The following LCORL variants were observed in gnomAD, a reference collection of about 807,000 sequenced individuals.
The protein encoded by LCORL is ligand dependent nuclear receptor corepressor like.
Under a neutral mutation model 141.8 loss-of-function variants are expected in LCORL, and 41 were observed. That is an observed-to-expected ratio of 0.29 (90% CI 0.23 to 0.38). The LOEUF is 0.38. LCORL is among the 10% of genes least tolerant of loss of function. LCORL has a pLI of 1.00. For missense variants in LCORL, 1,759 were observed against 2,035.0 expected (o/e 0.86, Z 2.61); for synonymous variants, 618 against 694.1 (o/e 0.89, Z 1.72).
intron 4 of LCORL, among the ~76,000 whole-genome samples, chr4:17,926,822 T>C (rs928484049): frequency 1.3e-5 from 2 of 152,242 alleles, no homozygotes; most frequent in Non-Finnish European, 2.9e-5. Flanking sequence ...GTTCTACAAA[T>C]AGAGCACAGG....
chr4:17,941,159 G>A (rs1318097739), intron 4 of LCORL, among the ~76,000 whole-genome samples: 2 of 152,128 alleles, frequency 1.3e-5, no homozygotes, highest in Non-Finnish European at 2.9e-5. Flanking sequence ...GGCAGATCAC[G>A]AGGTCAGGAG....
At chr4:17,898,893 G>A (rs1473809706) in intron 5 of LCORL, among the ~76,000 whole-genome samples, 1 of 152,106 alleles carries the variant, frequency 6.6e-6, no homozygotes, top group Non-Finnish European at 1.5e-5. Context: ...GTAAGATACT[G>A]TCAATGCCTC....
intron 4 of LCORL, among the ~76,000 whole-genome samples, chr4:17,924,311 C>G (rs577032062): frequency 6.6e-6 from 1 of 152,170 alleles, no homozygotes; most frequent in Non-Finnish European, 1.5e-5. Context: ...CCCATGTCAT[C>G]GCCCAATGGG....
chr4:17,874,275 T>C (rs1726686853), exon 7 of LCORL: 1 of 1,233,850 alleles, frequency 8.1e-7, no homozygotes, highest in East Asian at 3.2e-5. Flanking sequence ...ATGCAGTATA[T>C]GCAATTTCTC....
chr4:17,885,417 G>C (rs1728135079), intron 6 of LCORL, among the ~76,000 whole-genome samples: 1 of 151,852 alleles, frequency 6.6e-6, no homozygotes, highest in Non-Finnish European at 1.5e-5. Context: ...TACAGCCGTA[G>C]TTGAAACAAA....
chr4:17,961,757 C>G, intron 4 of LCORL, 146 bp downstream of exon 4: 1 of 561,542 alleles, frequency 1.8e-6, no homozygotes, highest in Non-Finnish European at 3.0e-6. Context: ...TCCTACTGTC[C>G]CTAAAAATAT....
rs1344840852 is a variant in LCORL at position 17,893,436 on chromosome 4, TA to T, written c.683-7276del. 3 of 984,796 alleles carry T rather than the reference TA, an allele frequency of 3.0e-6. No individual in the cohort carries two copies. The Admixed American group carries it at 1.8e-4, about 61-fold the overall frequency. 61.0% of individuals were successfully genotyped at this position (984,796 alleles called of 1,614,324 possible). On this transcript the variant is annotated intron_variant, in intron 5 of 7. Coordinates refer to ENST00000635767, the Ensembl canonical transcript of LCORL. ...CTTAGTAACATAAGGATGTCAAAAA[TA>T]TAAATTATGCAAACAGTTTACAGAG...
At chr4:17,988,537 G>T (rs1719418909) in intron 1 of LCORL, among the ~76,000 whole-genome samples, 2 of 151,986 alleles carry the variant, frequency 1.3e-5, no homozygotes, top group African/African-American at 2.4e-5. Context: ...CTACTCCTAA[G>T]CTAATACCAC....
At chr4:17,933,869 A>T (rs953725508) in intron 4 of LCORL, among the ~76,000 whole-genome samples, 1 of 152,026 alleles carries the variant, frequency 6.6e-6, no homozygotes, top group Admixed American at 6.6e-5. Context: ...TGGAATGAAG[A>T]GTTGATATGT....
At chr4:17,970,718 C>G (rs1036201730) in intron 2 of LCORL, among the ~76,000 whole-genome samples, 4 of 152,116 alleles carry the variant, frequency 2.6e-5, no homozygotes, top group African/African-American at 7.2e-5. Context: ...AAAGCTGTTG[C>G]AATACATTTA....
At position 18,013,817 on chromosome 4, in the gene LCORL, AT is replaced by A. The variant is rs35615219; in HGVS notation, c.154+7780del. Among the ~76,000 whole-genome samples, 90 of 147,808 alleles carry A rather than the reference AT, an allele frequency of 6.1e-4. No homozygotes were observed. In the East Asian group the frequency reaches 8.1e-3, roughly 13 times the overall value. ...AGAAAAGCCTCTAGGTTGCAGTTGA[AT>A]TTTTTTTTTTTTCGGAGTCTTGGTC... is the stretch of plus-strand genomic sequence containing the variant. On this transcript the variant is annotated intron_variant, in intron 1 of 7. Coordinates refer to ENST00000635767, the Ensembl canonical transcript of LCORL.
chr4:17,944,704 G>GAT (rs1738560558), intron 4 of LCORL, among the ~76,000 whole-genome samples: 1 of 152,056 alleles, frequency 6.6e-6, no homozygotes, highest in Admixed American at 6.6e-5. Flanking sequence ...TTTTATGAAG[G>GAT]ATATATATAA....
intron 4 of LCORL, among the ~76,000 whole-genome samples, chr4:17,947,415 G>A (rs1441429558): frequency 6.6e-6 from 1 of 151,840 alleles, no homozygotes; most frequent in African/African-American, 2.4e-5. Context: ...TATGGGAAAT[G>A]GGGAAACAGA....
At position 17,883,925 on chromosome 4, in the gene LCORL, G is replaced by C. The variant is rs369527567; in HGVS notation, c.776+2143C>G. On this transcript the variant is annotated intron_variant, in intron 6 of 7. Transcript: ENST00000635767. ...ACTCATTTTTCCGCTCATTACCATTGCAATAGCTTCTTCCATTATTTCATG... is the reference window on the plus strand; with the variant it reads ...ACTCATTTTTCCGCTCATTACCATTCCAATAGCTTCTTCCATTATTTCATG... 1.9e-6 allele frequency: 3 copies of C among 1,550,618 alleles called. No individual in the cohort carries two copies. The Admixed American group carries it at 5.9e-5, about 30-fold the overall frequency.
chr4:17,867,389 T>C (rs1192807629), intron 7 of LCORL, among the ~76,000 whole-genome samples: 2 of 152,206 alleles, frequency 1.3e-5, no homozygotes, highest in Non-Finnish European at 2.9e-5. Context: ...TGGTGTCTTG[T>C]TGCAACTATT....
chr4:17,865,946 A>C (rs1341742413), intron 7 of LCORL, among the ~76,000 whole-genome samples: 1 of 152,202 alleles, frequency 6.6e-6, no homozygotes, highest in Non-Finnish European at 1.5e-5. Context: ...TGATTATGTC[A>C]TATCTTCCCT....
intron 6 of LCORL, chr4:17,883,825 T>C: frequency 6.4e-7 from 1 of 1,550,646 alleles, no homozygotes; most frequent in Non-Finnish European, 8.7e-7. Context: ...GAGTCTTCAG[T>C]GTTCCAGATC....
At chr4:17,858,341 A>T (rs1456905743) in intron 7 of LCORL, among the ~76,000 whole-genome samples, 2 of 152,140 alleles carry the variant, frequency 1.3e-5, no homozygotes. Context: ...AAAACTAAAC[A>T]AAAGTGAATC....
intron 5 of LCORL, among the ~76,000 whole-genome samples, chr4:17,904,780 G>A (rs1731364562): frequency 6.6e-6 from 1 of 152,028 alleles, no homozygotes; most frequent in Non-Finnish European, 1.5e-5. Flanking sequence ...TTTAATTACT[G>A]CACTTAATTA....
Sources: gnomAD v4.1 joint callset for allele counts (sites outside exome capture counted in the v4.1 genomes callset) on GRCh38, gnomAD v4.1.1 for gene constraint, MANE v1.5 for transcripts, NCBI Gene and HGNC (gene_info 2026-07-23, HGNC 2026-07-21) for gene names.